Variants in AMZ1 observed in about 807,000 individuals in gnomAD.
AMZ1 encodes the protein archaelysin family metallopeptidase 1, also known as archaemetzincin-1.
Under a neutral mutation model 29.9 loss-of-function variants are expected in AMZ1, and 39 were observed. That is an observed-to-expected ratio of 1.30 (90% CI 1.01 to 1.70). The LOEUF (loss-of-function observed/expected upper bound fraction) is 1.70. AMZ1 is among the 40% of genes most tolerant of loss of function. The pLI, the probability that AMZ1 is intolerant of heterozygous loss-of-function variation, is 0.00. For synonymous variants in AMZ1, 458 were observed against 304.0 expected (o/e 1.51, Z -5.27); for missense variants, 1,041 against 680.6 (o/e 1.53, Z -5.89).
intron 4 of AMZ1, among the ~76,000 whole-genome samples, chr7:2,742,293 G>A (rs1583220848): frequency 6.6e-6 from 1 of 152,138 alleles, no homozygotes; most frequent in Non-Finnish European, 1.5e-5. Flanking sequence ...TGGGATTACA[G>A]GTGTGAGCCA....
upstream of AMZ1, among the ~76,000 whole-genome samples, chr7:2,686,825 C>T (rs563467451): frequency 1.3e-5 from 2 of 152,086 alleles, no homozygotes; most frequent in East Asian, 2.0e-4. Flanking sequence ...AGTGATTCTC[C>T]TGCTTCAGCC....
At chr7:2,738,865 A>C (rs1790348491) in intron 4 of AMZ1, among the ~76,000 whole-genome samples, 1 of 152,198 alleles carries the variant, frequency 6.6e-6, no homozygotes, top group Admixed American at 6.5e-5. Context: ...CCAGAATGTG[A>C]AAGTACAGAG....
chr7:2,740,396 C>G (rs1002446724), intron 4 of AMZ1, among the ~76,000 whole-genome samples: 1 of 152,148 alleles, frequency 6.6e-6, no homozygotes, highest in African/African-American at 2.4e-5. Flanking sequence ...TCACTCCGTC[C>G]TATGTGAGGC....
chr7:2,712,411 C>G lies in AMZ1; in HGVS notation c.1030C>G (p.Pro344Ala), dbSNP rs375504050. The G allele has an allele frequency of 1.2e-6, 2 of 1,611,590 alleles. No homozygotes were observed. Among genetic ancestry groups the G allele is most frequent in the South Asian group, 2.2e-5 (2 of 90,948 alleles). The change falls in exon 7 of 7, where the codon CCG (proline) becomes GCG (alanine). Residue 344 changes from proline to alanine, a missense_variant. Physicochemically the swap from Pro to Ala is conservative, Grantham distance 27. Coordinates refer to ENST00000683327, the MANE Select transcript of AMZ1 (RefSeq NM_001384743.1). ...GGAGCCGTCAGTGTGGGAGGACACCCCGCCTGCCAGCGCCGACTCGGGCAT... is the reference window on the plus strand; with the variant it reads ...GGAGCCGTCAGTGTGGGAGGACACCGCGCCTGCCAGCGCCGACTCGGGCAT... ...AGEPSVWEDT[P>A]PASADSGMCC...
chr7:2,689,197 T>C (rs1460694968), intron 1 of AMZ1, among the ~76,000 whole-genome samples: 1 of 152,202 alleles, frequency 6.6e-6, no homozygotes, highest in African/African-American at 2.4e-5. Flanking sequence ...GCAAAGCGCA[T>C]TCAGAATAGC....
chr7:2,748,901 C>A (rs1790894259), intron 4 of AMZ1, among the ~76,000 whole-genome samples: 1 of 152,204 alleles, frequency 6.6e-6, no homozygotes, highest in South Asian at 2.1e-4. Context: ...CCAAAAGACA[C>A]ATGAAAAAAT....
At chr7:2,687,693 C>T (rs562288250), upstream of AMZ1, among the ~76,000 whole-genome samples, 106 of 104,670 alleles carry the variant, frequency 1.0e-3, 1 homozygote, top group Middle Eastern at 0.017. Flanking sequence ...GCCTGGTTCA[C>T]CCCTCTCACC....
chr7:2,709,412 T>G (rs1390380760), intron 5 of AMZ1, among the ~76,000 whole-genome samples, 168 bp downstream of exon 5: 3 of 151,918 alleles, frequency 2.0e-5, no homozygotes, highest in Non-Finnish European at 2.9e-5. Context: ...AGGGGAGGGA[T>G]TAGAGCCCCA....
At chr7:2,690,862 C>T (rs550700335) in intron 1 of AMZ1, among the ~76,000 whole-genome samples, 13 of 152,152 alleles carry the variant, frequency 8.5e-5, no homozygotes, top group Non-Finnish European at 1.3e-4. Context: ...ATTTCTCAGC[C>T]GGGTGTGGTG....
rs139160556 is a variant in AMZ1, at chr7:2,701,087, C to T, written c.304+332C>T. 2.4e-3 allele frequency among the ~76,000 whole-genome samples: 365 copies of T among 152,278 alleles called. 3 individuals are homozygous for T. Among genetic ancestry groups the T allele is most frequent in the African/African-American group, 8.2e-3 (340 of 41,560 alleles). ...GCTGCGGGCTGTATAAAGATCACGCCGGGTGTGGTGGTGCACACCTGTAAT... is the reference window on the plus strand; with the variant it reads ...GCTGCGGGCTGTATAAAGATCACGCTGGGTGTGGTGGTGCACACCTGTAAT... On this transcript the variant is annotated intron_variant, in intron 2 of 6. Transcript: ENST00000683327.
chr7:2,703,694 C>G lies in AMZ1; in HGVS notation c.472+805C>G, dbSNP rs371476734. On this transcript the variant is annotated intron_variant, in intron 3 of 6. Transcript: ENST00000683327. Reference sequence around the variant, plus strand: ...AGCGGATGGACAGCTTTCATCAGTTCTGGGATACTCTCAGCCATTGCTGCT... The same window carrying G: ...AGCGGATGGACAGCTTTCATCAGTTGTGGGATACTCTCAGCCATTGCTGCT... Among the ~76,000 whole-genome samples the G allele has an allele frequency of 1.1e-4, 17 of 152,302 alleles. No homozygotes were observed. The East Asian group carries it at 1.2e-3, about 10-fold the overall frequency.
chr7:2,719,216 AG>A lies in AMZ1; in HGVS notation c.*6344del, dbSNP rs951753883. Among the ~76,000 whole-genome samples the A allele has an allele frequency of 6.6e-6, 1 of 152,130 alleles. No individual in the cohort carries two copies. The highest frequency in any genetic ancestry group is 2.4e-5 in the African/African-American group (1 of 41,416). ...AGAACGGCAGGTGGCCCCTGTCGGA[AG>A]GGGGGTGTCTCTTTATTCCTGCCAT... On this transcript the variant is annotated 3_prime_UTR_variant, in exon 7 of 7. Coordinates refer to ENST00000683327, the MANE Select transcript of AMZ1 (RefSeq NM_001384743.1).
downstream of AMZ1, among the ~76,000 whole-genome samples, chr7:2,721,931 C>T (rs372508526): frequency 4.0e-4 from 61 of 152,360 alleles, 1 homozygote; most frequent in South Asian, 8.5e-3. Flanking sequence ...ATCTTAACCT[C>T]GTACACTGTA....
At chr7:2,709,586 G>A in intron 5 of AMZ1, 54 bp from the exon 6 acceptor site, 3 of 1,572,924 alleles carry the variant, frequency 1.9e-6, no homozygotes, top group African/African-American at 1.4e-5. Flanking sequence ...CTGGGGATCT[G>A]CCGGATGCAG....
upstream of AMZ1, among the ~76,000 whole-genome samples, chr7:2,683,600 G>C (rs985871847): frequency 1.3e-5 from 2 of 152,002 alleles, no homozygotes; most frequent in Non-Finnish European, 2.9e-5. Context: ...ACCACGCCTG[G>C]CTAATTTTTT....
At chr7:2,727,939 C>T (rs1325249755) in intron 4 of AMZ1, among the ~76,000 whole-genome samples, 2 of 150,708 alleles carry the variant, frequency 1.3e-5, no homozygotes, top group East Asian at 3.9e-4. Flanking sequence ...CGCCTGTAGA[C>T]CCAGCTACTT....
chr7:2,711,877 C>T (rs1337235767), intron 6 of AMZ1, among the ~76,000 whole-genome samples: 1 of 151,908 alleles, frequency 6.6e-6, no homozygotes, highest in South Asian at 2.1e-4. Context: ...AACCCCGTCT[C>T]CACTAAAAAA....
At chr7:2,694,354 G>A (rs543967741) in intron 1 of AMZ1, among the ~76,000 whole-genome samples, 1 of 152,342 alleles carries the variant, frequency 6.6e-6, no homozygotes, top group South Asian at 2.1e-4. Flanking sequence ...TCGGACATGA[G>A]CTGAGTTTGA....
Position 2,700,229 on chromosome 7 carries a change from C to T in AMZ1, c.-218-5C>T, listed in dbSNP as rs1787968417. On this transcript the variant is annotated splice_polypyrimidine_tract_variant and splice_region_variant and intron_variant, in intron 1 of 6. Coordinates refer to ENST00000683327, the MANE Select transcript of AMZ1 (RefSeq NM_001384743.1). ...TGAGGGGACCCCTGTTCGTGTCATC[C>T]ACAGGGTGCTGTGGGCCCAGAAGCG... is the stretch of plus-strand genomic sequence containing the variant. 8.5e-6 allele frequency: 5 copies of T among 591,646 alleles called. No homozygotes were observed. In the Admixed American group the frequency reaches 1.5e-4, roughly 18 times the overall value. The allele number at this position is 591,646 out of a possible 1,614,324, so 36.6% of individuals were successfully genotyped here.
Sources: gnomAD v4.1 joint callset for allele counts (sites outside exome capture counted in the v4.1 genomes callset) on GRCh38, gnomAD v4.1.1 for gene constraint, MANE v1.5 for transcripts, NCBI Gene and HGNC (gene_info 2026-07-23, HGNC 2026-07-21) for gene names.